The following MSN variants were observed in gnomAD, a reference collection of about 807,000 sequenced individuals.
The protein encoded by MSN is epididymis luminal protein 70.
In MSN, 2 loss-of-function variants were observed where a neutral mutation model predicts 48.0. The ratio of observed to expected loss-of-function variants is 0.04; its 90% CI spans 0.02 to 0.13. The LOEUF is 0.13. Ranked by LOEUF, MSN falls within the 10% of genes least tolerant of loss-of-function variation. The probability of loss-of-function intolerance (pLI) is 1.00; values close to 1 mark genes in which losing one functional copy is unlikely to be tolerated. For synonymous variants in MSN, 146 were observed against 166.9 expected, an observed-to-expected ratio of 0.87 and a Z score of 0.97; for missense variants, 267 against 470.1, an observed-to-expected ratio of 0.57 and a Z score of 3.99.
At chrX:65,638,548 G>GT (rs1185057422) in intron 1 of MSN, among the ~76,000 whole-genome samples, 2 of 111,957 alleles carry the variant, frequency 1.8e-5, no homozygotes, top group Non-Finnish European at 3.8e-5. Context: ...CTGGATTTTG[G>GT]TTTTTTTCTT....
intron 1 of MSN, among the ~76,000 whole-genome samples, chrX:65,669,735 A>C (rs1340754527): frequency 9.0e-6 from 1 of 111,299 alleles, no homozygotes; most frequent in African/African-American, 3.3e-5. Context: ...GGAATGGTCA[A>C]CTTTTAGGAA....
intron 1 of MSN, among the ~76,000 whole-genome samples, chrX:65,696,655 G>T (rs778306403): frequency 1.8e-5 from 2 of 111,308 alleles, no homozygotes; most frequent in Admixed American, 9.6e-5. Flanking sequence ...GCATTGAGGG[G>T]TGTGAAGGTT....
At chrX:65,598,738 G>A (rs1029981216) in intron 1 of MSN, among the ~76,000 whole-genome samples, 2 of 111,775 alleles carry the variant, frequency 1.8e-5, no homozygotes, top group African/African-American at 3.3e-5. Context: ...TTGAGGGACT[G>A]CGGGCAATGT....
At chrX:65,632,818 G>A (rs2070569110) in intron 1 of MSN, among the ~76,000 whole-genome samples, 1 of 112,093 alleles carries the variant, frequency 8.9e-6, no homozygotes, top group Admixed American at 9.5e-5. Flanking sequence ...CATCAAAGTA[G>A]TTATTATCTC....
chrX:65,594,795 A>T (rs1270428076), intron 1 of MSN, among the ~76,000 whole-genome samples: 1 of 111,645 alleles, frequency 9.0e-6, no homozygotes, highest in Non-Finnish European at 1.9e-5. Flanking sequence ...TCTGAGTTGG[A>T]TGATCAGACT....
intron 1 of MSN, among the ~76,000 whole-genome samples, chrX:65,648,363 G>A (rs1250634559): frequency 1.8e-5 from 2 of 109,668 alleles, no homozygotes; most frequent in Non-Finnish European, 1.9e-5. Flanking sequence ...GACCAGCCTG[G>A]CCAACGTGGT....
intron 1 of MSN, chrX:65,624,826 A>C (rs1489407197): frequency 1.8e-5 from 2 of 109,122 alleles, no homozygotes; most frequent in African/African-American, 6.6e-5. Context: ...AAAAGAAAGA[A>C]GAAAAAAGAA....
chrX:65,657,576 C>A (rs1384967220), intron 1 of MSN, among the ~76,000 whole-genome samples: 1 of 111,326 alleles, frequency 9.0e-6, no homozygotes, highest in Non-Finnish European at 1.9e-5. Context: ...TGAAAAGCTT[C>A]CAGCTCTATC....
intron 1 of MSN, among the ~76,000 whole-genome samples, chrX:65,609,698 ACG>A (rs1398759254): frequency 9.0e-6 from 1 of 111,589 alleles, no homozygotes; most frequent in East Asian, 2.8e-4. Flanking sequence ...CCTGGCTAAC[ACG>A]GTGAAACCCC....
intron 1 of MSN, among the ~76,000 whole-genome samples, chrX:65,634,650 G>A (rs749404543): frequency 2.8e-4 from 32 of 112,324 alleles, no homozygotes; most frequent in Admixed American, 5.7e-4. Context: ...AAAAGCCATT[G>A]AAATCAGCAC....
intron 1 of MSN, among the ~76,000 whole-genome samples, chrX:65,643,733 T>G (rs2070675425): frequency 9.0e-6 from 1 of 111,508 alleles, no homozygotes; most frequent in Non-Finnish European, 1.9e-5. Flanking sequence ...AGGGGCTGGA[T>G]TAGCTTCTTG....
chrX:65,708,655 T>C (rs1163091903), intron 1 of MSN, among the ~76,000 whole-genome samples: 1 of 110,583 alleles, frequency 9.0e-6, no homozygotes, highest in Non-Finnish European at 1.9e-5. Context: ...GGCTCATCCA[T>C]GTTGCTGCAA....
intron 1 of MSN, chrX:65,588,663 G>A (rs2070117495): frequency 3.9e-6 from 3 of 776,002 alleles, no homozygotes; most frequent in Non-Finnish European, 4.6e-6. Context: ...TGGACAGGAA[G>A]TGCCAGCCTG....
At chrX:65,662,418 A>T (rs756956151) in intron 1 of MSN, among the ~76,000 whole-genome samples, 1 of 112,454 alleles carries the variant, frequency 8.9e-6, no homozygotes, top group South Asian at 3.6e-4. Context: ...ACAGCATGGT[A>T]CTGGTACAAA....
chrX:65,598,777 G>A, intron 1 of MSN, among the ~76,000 whole-genome samples: 1 of 112,050 alleles, frequency 8.9e-6, no homozygotes, highest in Non-Finnish European at 1.9e-5. Context: ...CCAGCACATT[G>A]TCTGCTGCAG....
At chrX:65,620,376 A>T (rs1018543976) in intron 1 of MSN, among the ~76,000 whole-genome samples, 4 of 113,352 alleles carry the variant, frequency 3.5e-5, no homozygotes, top group Non-Finnish European at 5.6e-5. Context: ...TGGGCGCAGG[A>T]ACCTCCGAGC....
intron 1 of MSN, among the ~76,000 whole-genome samples, chrX:65,602,132 T>C (rs2070241037): frequency 8.9e-6 from 1 of 112,630 alleles, no homozygotes; most frequent in Non-Finnish European, 1.9e-5. Context: ...TTACCAAATC[T>C]TGTTAATTAA....
At position 65,741,595 on chromosome X, in the gene MSN, C is replaced by T. The variant is rs1047243373; in HGVS notation, c.*1702C>T. 1.2e-4 allele frequency: 20 copies of T among 169,473 alleles called. No homozygotes were observed. In the Admixed American group the frequency reaches 1.6e-3, roughly 14 times the overall value. The allele number at this position is 169,473 out of a possible 1,213,427, so 14.0% of individuals were successfully genotyped here. ...TCCTCAAGGGGCCATCCTGTCCCAC[C>T]ATGCAGTGCCCCTAGCTTAGAGCCT... On this transcript the variant is annotated 3_prime_UTR_variant, in exon 13 of 13. Transcript: ENST00000360270.
intron 1 of MSN, among the ~76,000 whole-genome samples, chrX:65,674,763 A>C (rs1227508732): frequency 1.8e-5 from 2 of 111,641 alleles, no homozygotes; most frequent in Admixed American, 9.6e-5. Context: ...AGGTGCTTAT[A>C]GGCCAAGCCT....
Sources: allele counts gnomAD v4.1 joint callset (sites outside exome capture counted in the v4.1 genomes callset), GRCh38; gene constraint gnomAD v4.1.1; transcripts MANE v1.5; gene names NCBI Gene and HGNC (gene_info 2026-07-23, HGNC 2026-07-21).